The following RAPGEF4 variants were observed in gnomAD, a reference collection of about 807,000 sequenced individuals.
The protein encoded by RAPGEF4 is Rap guanine nucleotide exchange factor 4, also known as RAP guanine-nucleotide-exchange factor (GEF) 4.
A neutral mutation model predicts 147.9 loss-of-function variants in RAPGEF4; 66 were observed. The observed-to-expected ratio is 0.45, with a 90% CI of 0.37 to 0.55. RAPGEF4 has a LOEUF of 0.55. Among genes scored for constraint, RAPGEF4 ranks in the 20% least tolerant of loss-of-function variants. RAPGEF4 has a pLI of 0.00. For missense variants in RAPGEF4, 1,071 were observed against 1,257.3 expected (o/e 0.85, Z 2.24); for synonymous variants, 419 against 442.7 (o/e 0.95, Z 0.67).
At chr2:172,925,566 C>T (rs909692052) in intron 6 of RAPGEF4, among the ~76,000 whole-genome samples, 6 of 134,372 alleles carry the variant, frequency 4.5e-5, no homozygotes, top group Non-Finnish European at 9.5e-5. Flanking sequence ...GCAGCCAGGA[C>T]ACATAGTGAG....
intron 1 of RAPGEF4, among the ~76,000 whole-genome samples, chr2:172,778,287 T>G (rs1384685227): frequency 6.6e-6 from 1 of 152,212 alleles, no homozygotes; most frequent in Non-Finnish European, 1.5e-5. Context: ...GCCTCTGTTA[T>G]TTTTGCCTCC....
chr2:172,939,556 T>C (rs1195554751), intron 6 of RAPGEF4, among the ~76,000 whole-genome samples: 5 of 152,196 alleles, frequency 3.3e-5, no homozygotes, highest in Non-Finnish European at 5.9e-5. Context: ...ATATGAGTTT[T>C]GCAGTCCAGT....
At chr2:173,014,812 G>A (rs1401648304) in intron 18 of RAPGEF4, among the ~76,000 whole-genome samples, 198 bp downstream of exon 18, 1 of 152,058 alleles carries the variant, frequency 6.6e-6, no homozygotes, top group Non-Finnish European at 1.5e-5. Context: ...CTCCCTAATG[G>A]GTAGCATTTT....
chr2:172,828,634 G>A (rs1452990810), intron 4 of RAPGEF4, among the ~76,000 whole-genome samples: 1 of 152,128 alleles, frequency 6.6e-6, no homozygotes, highest in Non-Finnish European at 1.5e-5. Flanking sequence ...CTTGCTAGGG[G>A]TAGCAGACTC....
chr2:172,945,872 A>G (rs532296256), intron 6 of RAPGEF4, among the ~76,000 whole-genome samples: 4 of 152,320 alleles, frequency 2.6e-5, no homozygotes, highest in African/African-American at 9.6e-5. Context: ...TTTATTCAGA[A>G]GAAATATCTC....
chr2:172,805,722 C>T (rs1687428776), intron 3 of RAPGEF4, among the ~76,000 whole-genome samples: 1 of 152,180 alleles, frequency 6.6e-6, no homozygotes, highest in Non-Finnish European at 1.5e-5. Flanking sequence ...CCTTCAGTCT[C>T]TTGCCTGAGC....
intron 1 of RAPGEF4, among the ~76,000 whole-genome samples, chr2:172,754,190 C>T (rs1017753598): frequency 1.3e-5 from 2 of 152,160 alleles, no homozygotes; most frequent in African/African-American, 4.8e-5. Flanking sequence ...TGTGTTTGAG[C>T]TTGAACTTTA....
intron 4 of RAPGEF4, among the ~76,000 whole-genome samples, chr2:172,906,581 G>A (rs544429125): frequency 1.3e-5 from 2 of 152,346 alleles, no homozygotes; most frequent in East Asian, 3.9e-4. Context: ...ACAGTTGTGG[G>A]AAGGGGTGTG....
chr2:172,805,808 T>C (rs951981449), intron 3 of RAPGEF4, among the ~76,000 whole-genome samples: 1 of 152,200 alleles, frequency 6.6e-6, no homozygotes, highest in Non-Finnish European at 1.5e-5. Flanking sequence ...TCTTGGTGCC[T>C]GTGTAACTTA....
rs1476715629 is a variant in RAPGEF4 at position 172,835,252 on chromosome 2, C to T, written c.444+20827C>T. 2.6e-5 allele frequency among the ~76,000 whole-genome samples: 4 copies of T among 152,170 alleles called. No homozygotes were observed. In the East Asian group the frequency reaches 7.7e-4, roughly 29 times the overall value. ...ACAGATGCCACATTCATTTTGGTGT[C>T]TTAGAGGACAGATATGCAGTTGCTA... On this transcript the variant is annotated intron_variant, in intron 4 of 30. Coordinates refer to ENST00000397081, the MANE Select transcript of RAPGEF4 (RefSeq NM_007023.4).
chr2:172,766,030 A>G lies in RAPGEF4; in HGVS notation c.66-28995A>G, dbSNP rs573135618. On this transcript the variant is annotated intron_variant, in intron 1 of 30. Transcript: ENST00000397081. ...GGACTGTGGTGTTGAAAGCCATTTT[A>G]TGTTTCAGTGTCACATGTGAATTAG... Among the ~76,000 whole-genome samples, 5 of 152,260 alleles carry G rather than the reference A, an allele frequency of 3.3e-5. No individual in the cohort carries two copies. The South Asian group carries it at 1.0e-3, about 32-fold the overall frequency.
At chr2:173,024,452 C>T (rs1334494014) in intron 23 of RAPGEF4, among the ~76,000 whole-genome samples, 2 of 140,542 alleles carry the variant, frequency 1.4e-5, no homozygotes, top group South Asian at 2.4e-4. Context: ...CTCCTGACCT[C>T]GTGATCCGCC....
intron 6 of RAPGEF4, among the ~76,000 whole-genome samples, chr2:172,931,083 C>T (rs1685872788): frequency 6.7e-6 from 1 of 150,124 alleles, no homozygotes; most frequent in Non-Finnish European, 1.5e-5. Context: ...ACAAGTCACT[C>T]ATTTCCAGGA....
intron 4 of RAPGEF4, among the ~76,000 whole-genome samples, chr2:172,907,775 T>C (rs1039068228): frequency 6.6e-6 from 1 of 152,204 alleles, no homozygotes; most frequent in African/African-American, 2.4e-5. Flanking sequence ...TCATCAAATA[T>C]ACTGGGGTTC....
At chr2:172,892,250 A>C (rs781137520) in intron 4 of RAPGEF4, among the ~76,000 whole-genome samples, 10 of 152,322 alleles carry the variant, frequency 6.6e-5, no homozygotes, top group Non-Finnish European at 1.5e-4. Context: ...CTCCCTATTA[A>C]GCACTTTCTT....
chr2:172,859,143 G>A (rs760633261), intron 4 of RAPGEF4, among the ~76,000 whole-genome samples: 9 of 152,172 alleles, frequency 5.9e-5, no homozygotes, highest in Non-Finnish European at 1.0e-4. Context: ...AAATGATCAT[G>A]TATTCCCTTA....
At chr2:172,987,529 T>A (rs1263076148) in intron 12 of RAPGEF4, among the ~76,000 whole-genome samples, 12 of 152,098 alleles carry the variant, frequency 7.9e-5, no homozygotes, top group Non-Finnish European at 1.3e-4. Flanking sequence ...AAAAAGAAAG[T>A]GGATGGTTGT....
intron 6 of RAPGEF4, among the ~76,000 whole-genome samples, chr2:172,957,823 A>G (rs1688896990): frequency 6.6e-6 from 1 of 152,244 alleles, no homozygotes; most frequent in Non-Finnish European, 1.5e-5. Flanking sequence ...AACCTTGTGT[A>G]CATTTACCTC....
rs79417208 is a variant in RAPGEF4 at position 172,981,559 on chromosome 2, A to G, written c.1005-1937A>G. 6.1e-3 allele frequency among the ~76,000 whole-genome samples: 930 copies of G among 152,358 alleles called. 16 individuals carry two copies. Among genetic ancestry groups the G allele is most frequent in the African/African-American group, 0.021 (881 of 41,586 alleles). On this transcript the variant is annotated intron_variant, in intron 10 of 30. Coordinates refer to ENST00000397081, the MANE Select transcript of RAPGEF4 (RefSeq NM_007023.4). The stretch of plus-strand genomic sequence containing the variant: ...GTGTCCCTCAGTGGTGACCTTTAGC[A>G]GGAGGTGAACCTGGCTAGCATCTCC...
Sources: allele counts gnomAD v4.1 joint callset (sites outside exome capture counted in the v4.1 genomes callset), GRCh38; gene constraint gnomAD v4.1.1; transcripts MANE v1.5; gene names NCBI Gene and HGNC (gene_info 2026-07-23, HGNC 2026-07-21).